Variants in SCUBE1 observed in about 807,000 individuals in gnomAD.
The protein encoded by SCUBE1 is signal peptide, CUB and EGF-like domain-containing protein 1.
In SCUBE1, 59 loss-of-function variants were observed where a neutral mutation model predicts 124.4. The ratio of observed to expected loss-of-function variants is 0.47; its 90% CI spans 0.38 to 0.59. The LOEUF (loss-of-function observed/expected upper bound fraction) is 0.59, where lower values mean the gene tolerates loss of function less well. Among genes scored for constraint, SCUBE1 ranks in the 20% least tolerant of loss-of-function variants. The pLI is 0.00. For missense variants in SCUBE1, 1,150 were observed against 1,371.2 expected (o/e 0.84, Z 2.55); for synonymous variants, 545 against 550.9 (o/e 0.99, Z 0.15).
At chr22:43,303,487 T>C (rs555270875) in intron 3 of SCUBE1, among the ~76,000 whole-genome samples, 50 of 152,364 alleles carry the variant, frequency 3.3e-4, no homozygotes, top group African/African-American at 1.2e-3. Flanking sequence ...GGAATAGTTT[T>C]GTCTCATCAG....
At chr22:43,274,320 T>A (rs897066021) in intron 4 of SCUBE1, among the ~76,000 whole-genome samples, 3 of 152,204 alleles carry the variant, frequency 2.0e-5, no homozygotes, top group African/African-American at 7.2e-5. Context: ...GTTCAAAAGT[T>A]GCATGGGTCA....
chr22:43,238,754 C>T (rs763149147), intron 7 of SCUBE1, 84 bp downstream of exon 7: 2 of 1,146,656 alleles, frequency 1.7e-6, no homozygotes, highest in African/African-American at 3.0e-5. Context: ...TTCAGCCCAG[C>T]CCTGGGCCCG....
chr22:43,210,312 C>T lies in SCUBE1; in HGVS notation c.2384-72G>A. 1 of 1,352,980 alleles carries T rather than the reference C, an allele frequency of 7.4e-7. No individual in the cohort carries two copies. Among genetic ancestry groups the T allele is most frequent in the Admixed American group, 2.7e-5 (1 of 37,538 alleles). 83.8% of individuals were successfully genotyped at this position (1,352,980 alleles called of 1,614,324 possible). On this transcript the variant is annotated intron_variant, in intron 18 of 21. Coordinates refer to ENST00000360835, the MANE Select transcript of SCUBE1 (RefSeq NM_173050.5). This position sits in a 1 kb window ranked among gnomAD's most constrained non-coding sequence, Gnocchi z 4.5. ...GGGCCCTGGCCGGCCAGGCCTCTAA[C>T]CACCTGGGAGGCCTAGGGCAGGGCT...
intron 3 of SCUBE1, among the ~76,000 whole-genome samples, chr22:43,318,677 CT>C (rs1926435395): frequency 6.6e-6 from 1 of 152,194 alleles, no homozygotes; most frequent in African/African-American, 2.4e-5. Context: ...TTTCTTCTCC[CT>C]ACTCTTCTCC....
In SCUBE1 at chr22:43,320,140, C is replaced by T. The variant is rs151321767; in HGVS notation, c.221-75G>A. On this transcript the variant is annotated intron_variant, in intron 2 of 21. Transcript: ENST00000360835. ...CCTCTCCCAACACCATGGAAGCCAC[C>T]GGGATCTGAGTGATTAGGGGATGAT... 39 of 1,575,818 alleles carry T rather than the reference C, an allele frequency of 2.5e-5. No individual in the cohort carries two copies. The Admixed American group carries it at 2.9e-4, about 12-fold the overall frequency.
intron 7 of SCUBE1, 45 bp downstream of exon 7, chr22:43,238,793 C>T (rs768298952): frequency 6.6e-7 from 1 of 1,508,064 alleles, no homozygotes; most frequent in Admixed American, 1.7e-5. Context: ...GGCTCTTGGC[C>T]AGGCCAGTAC....
Position 43,262,837 on chromosome 22 carries a change from T to C in SCUBE1, c.493A>G (p.Asn165Asp). ...CAGCCATGGTCTTTGTTCATGCAGTTCATACCCTCTGGGAAGAGAGACAGA... is the reference window on the plus strand; with the variant it reads ...CAGCCATGGTCTTTGTTCATGCAGTCCATACCCTCTGGGAAGAGAGACAGA... The part of the protein sequence containing the change: ...TCIHRSNEGM[N>D]CMNKDHGCAH... The change falls in exon 5 of 22, where the codon AAC becomes GAC. Residue 165 changes from asparagine (N) to aspartate (D), a missense_variant. Coordinates refer to ENST00000360835, the MANE Select transcript of SCUBE1 (RefSeq NM_173050.5). 1 of 1,612,502 alleles carries C rather than the reference T, an allele frequency of 6.2e-7. No individual in the cohort carries two copies. The highest frequency in any genetic ancestry group is 8.5e-7 in the Non-Finnish European group (1 of 1,178,602).
chr22:43,297,123 C>G (rs550573155), intron 3 of SCUBE1, among the ~76,000 whole-genome samples: 2 of 152,342 alleles, frequency 1.3e-5, no homozygotes, highest in African/African-American at 4.8e-5. Flanking sequence ...TCTCGAAGCC[C>G]CTTTCTTCTG....
intron 6 of SCUBE1, among the ~76,000 whole-genome samples, chr22:43,256,509 C>T (rs528833743): frequency 6.6e-6 from 1 of 151,870 alleles, no homozygotes; most frequent in South Asian, 2.1e-4. Flanking sequence ...GCAGCAGGGG[C>T]TGGGTAAGGA....
At chr22:43,330,636 G>A (rs759217505) in intron 2 of SCUBE1, among the ~76,000 whole-genome samples, 14 of 152,184 alleles carry the variant, frequency 9.2e-5, no homozygotes, top group Non-Finnish European at 1.6e-4. Flanking sequence ...CACATTTTAC[G>A]GATGGGCAAA....
Position 43,203,260 on chromosome 22 carries a change from T to C in SCUBE1, c.*737A>G, listed in dbSNP as rs547326547. 14 of 152,174 alleles carry C rather than the reference T, an allele frequency of 9.2e-5. No homozygotes were observed. Among genetic ancestry groups the C allele is most frequent in the African/African-American group, 3.1e-4 (13 of 41,532 alleles). 9.4% of individuals were successfully genotyped at this position (152,174 alleles called of 1,614,324 possible). On this transcript the variant is annotated 3_prime_UTR_variant, in exon 22 of 22. Transcript: ENST00000360835. ...CTGTTTAATCGTTCAGGGAGGCTGA[T>C]AGCTGCTGGGACTCACTGGGCTCAT...
At chr22:43,331,289 A>G (rs1178092637) in intron 2 of SCUBE1, among the ~76,000 whole-genome samples, 1 of 152,186 alleles carries the variant, frequency 6.6e-6, no homozygotes, top group Non-Finnish European at 1.5e-5. Context: ...GTGATATCTG[A>G]TGGCCATAAG....
At chr22:43,259,084 T>C (rs574450613) in intron 5 of SCUBE1, among the ~76,000 whole-genome samples, 1,530 of 152,312 alleles carry the variant, frequency 0.01, 10 homozygotes, top group Middle Eastern at 0.034. Flanking sequence ...CTGGGTTGGC[T>C]GAAAAGGGGG....
chr22:43,226,725 G>A (rs999352178), intron 10 of SCUBE1, among the ~76,000 whole-genome samples: 12 of 151,960 alleles, frequency 7.9e-5, no homozygotes, highest in African/African-American at 2.4e-4. Context: ...AGAGTGTGGC[G>A]GGGCAAGGAC....
At chr22:43,246,707 G>GGA (rs1413359658) in intron 6 of SCUBE1, among the ~76,000 whole-genome samples, 1 of 152,244 alleles carries the variant, frequency 6.6e-6, no homozygotes, top group East Asian at 1.9e-4. Context: ...CTCAACAGAG[G>GGA]GAAGCCTTGC....
rs193170110 is a variant in SCUBE1, at chr22:43,279,598, C to T, written c.484+11448G>A. On this transcript the variant is annotated intron_variant, in intron 4 of 21. Coordinates refer to ENST00000360835, the MANE Select transcript of SCUBE1 (RefSeq NM_173050.5). ...GTAAATTTCTATCTTTAGAAATTACCCAGTCTCAGCTCTTCTGTTATAGAA... is the reference window on the plus strand; with the variant it reads ...GTAAATTTCTATCTTTAGAAATTACTCAGTCTCAGCTCTTCTGTTATAGAA... Among the ~76,000 whole-genome samples the T allele has an allele frequency of 2.0e-3, 308 of 152,322 alleles. 1 individual carries two copies. The highest frequency in any genetic ancestry group is 7.2e-3 in the African/African-American group (300 of 41,560).
chr22:43,239,378 C>A (rs1169108409), intron 6 of SCUBE1, among the ~76,000 whole-genome samples: 8 of 152,244 alleles, frequency 5.3e-5, no homozygotes, highest in African/African-American at 1.9e-4. Context: ...GTGACTGGGG[C>A]CCCCAAATGC....
At chr22:43,230,171 A>AATGTGGAG (rs1413020660) in intron 8 of SCUBE1, among the ~76,000 whole-genome samples, 1 of 152,112 alleles carries the variant, frequency 6.6e-6, no homozygotes, top group Admixed American at 6.5e-5. Flanking sequence ...TGAGCGAATG[A>AATGTGGAG]ATGTGGAGGA....
chr22:43,207,812 C>A (rs1347671986), intron 20 of SCUBE1, among the ~76,000 whole-genome samples, 199 bp from the exon 21 acceptor site: 1 of 152,198 alleles, frequency 6.6e-6, no homozygotes, highest in Non-Finnish European at 1.5e-5. Flanking sequence ...TCACTAAGAA[C>A]CCCCTATTTA....
Sources: allele counts gnomAD v4.1 joint callset (sites outside exome capture counted in the v4.1 genomes callset), GRCh38; gene constraint gnomAD v4.1.1; non-coding constraint Gnocchi (gnomAD v3.1); transcripts MANE v1.5; gene names NCBI Gene and HGNC (gene_info 2026-07-23, HGNC 2026-07-21).